CIT: variants seen among roughly 807,000 people sequenced by gnomAD.
The protein encoded by CIT is citron rho-interacting serine/threonine kinase, also known as citron Rho-interacting kinase.
CIT carries 79 observed loss-of-function variants against 272.7 expected under a neutral mutation model. The observed-to-expected ratio is 0.29, with a 90% CI of 0.24 to 0.35. CIT has a LOEUF of 0.35. Ranked by LOEUF, CIT falls within the 10% of genes least tolerant of loss-of-function variation. CIT has a pLI of 1.00. For missense variants in CIT, 1,909 were observed against 2,618.3 expected (o/e 0.73, Z 5.91); for synonymous variants, 948 against 995.6 (o/e 0.95, Z 0.90).
chr12:119,731,813 A>AATATATATATATATATAT (rs57327382), intron 26 of CIT, among the ~76,000 whole-genome samples: 38 of 139,108 alleles, frequency 2.7e-4, no homozygotes, highest in African/African-American at 7.8e-4. Context: ...TTCTCTCCTA[A>AATATATATATATATATAT]ATATATATAT....
At chr12:119,735,464 G>A (rs901068274) in intron 24 of CIT, 107 bp from the exon 25 acceptor site, 12 of 1,103,190 alleles carry the variant, frequency 1.1e-5, no homozygotes, top group African/African-American at 1.1e-4. Flanking sequence ...GGCAATCAAC[G>A]TGCCGCTCAT....
chr12:119,800,015 G>C (rs1268965580), intron 10 of CIT, among the ~76,000 whole-genome samples: 2 of 152,094 alleles, frequency 1.3e-5, no homozygotes, highest in African/African-American at 4.8e-5. Context: ...AAATGAGGCA[G>C]TGCCTCAATC....
At chr12:119,723,166 A>C (rs572959366) in intron 28 of CIT, among the ~76,000 whole-genome samples, 1 of 152,288 alleles carries the variant, frequency 6.6e-6, no homozygotes, top group East Asian at 1.9e-4. Flanking sequence ...AAAGGAAAGA[A>C]ACAGCTAAGA....
chr12:119,844,934 C>A (rs964378126), intron 5 of CIT, among the ~76,000 whole-genome samples: 1 of 151,944 alleles, frequency 6.6e-6, no homozygotes, highest in Non-Finnish European at 1.5e-5. Context: ...TCCTGGCTAA[C>A]ACGGTGAAAC....
chr12:119,817,735 T>C (rs762615132), intron 9 of CIT, among the ~76,000 whole-genome samples: 6 of 152,104 alleles, frequency 3.9e-5, no homozygotes, highest in South Asian at 2.1e-4. Flanking sequence ...GCACTTAACA[T>C]ACTGTAGAAA....
intron 23 of CIT, among the ~76,000 whole-genome samples, chr12:119,746,953 T>C (rs1211539449): frequency 1.3e-5 from 2 of 152,198 alleles, no homozygotes; most frequent in Non-Finnish European, 2.9e-5. Flanking sequence ...ATAGAATATA[T>C]ACATAAAGAC....
intron 32 of CIT, among the ~76,000 whole-genome samples, chr12:119,715,239 T>C (rs1425121173): frequency 1.3e-5 from 2 of 152,204 alleles, no homozygotes; most frequent in African/African-American, 4.8e-5. Context: ...TTTTTCTTTA[T>C]AAATTACCCA....
chr12:119,832,670 A>C, intron 7 of CIT, 101 bp downstream of exon 7: 1 of 988,110 alleles, frequency 1.0e-6, no homozygotes. Flanking sequence ...AAAGGCTCCA[A>C]AACATTGTTC....
chr12:119,723,663 A>G (rs1439393741), intron 28 of CIT, among the ~76,000 whole-genome samples: 1 of 152,226 alleles, frequency 6.6e-6, no homozygotes, highest in East Asian at 1.9e-4. Context: ...GGCTGGAAGA[A>G]TGGATCAAGA....
intron 17 of CIT, 36 bp downstream of exon 17, chr12:119,772,734 G>C (rs756785648): frequency 6.3e-7 from 1 of 1,576,908 alleles, no homozygotes; most frequent in Non-Finnish European, 8.6e-7. Context: ...CAAAGGCCGA[G>C]GCCGCTGGGG....
chr12:119,747,472 G>C (rs1959598679), intron 23 of CIT, among the ~76,000 whole-genome samples: 1 of 150,002 alleles, frequency 6.7e-6, no homozygotes, highest in African/African-American at 2.5e-5. Flanking sequence ...TGTAATCCCA[G>C]CACTTTGGGA....
chr12:119,770,897 G>A lies in CIT; in HGVS notation c.2096C>T (p.Ser699Phe), dbSNP rs755801732. 27 of 1,612,638 alleles carry A rather than the reference G, an allele frequency of 1.7e-5. No individual in the cohort carries two copies. Among genetic ancestry groups the A allele is most frequent in the African/African-American group, 4.0e-5 (3 of 74,904 alleles). ...KLVEAEERRH[S>F]LENKVKRLET... ...TAGTCTCTTTACCTTGTTCTCCAGAGAATGGCGGCGTTCCTGTAGATCATG... is the reference window on the plus strand; with the variant it reads ...TAGTCTCTTTACCTTGTTCTCCAGAAAATGGCGGCGTTCCTGTAGATCATG... The change falls in exon 18 of 48, where the codon TCT becomes TTT. Residue 699 changes from serine to phenylalanine, a missense_variant. This residue lies in a region of CIT where 530 missense variants were observed against 822.4 expected (regional missense o/e 0.64). Transcript: ENST00000392521. The surrounding 1 kb of genome is among the most constrained non-coding windows in gnomAD (Gnocchi z 4.4).
At position 119,710,612 on chromosome 12, in the gene CIT, A is replaced by G. The variant is rs762291636; in HGVS notation, c.4863T>C (p.Leu1621=). ...REKAEADAKL[L]GNSLLKLEGD... ...CTTCCAGTTTCAGCAGGGAGTTTCC[A>G]AGCAGTTTCTTTTCATAGGTGAAAG... is the stretch of plus-strand genomic sequence containing the variant. The change falls in exon 38 of 48, where the codon CTT becomes CTC. Residue 1621 remains leucine, a synonymous_variant. Coordinates refer to ENST00000392521, the MANE Select transcript of CIT (RefSeq NM_001206999.2). This position sits in a 1 kb window ranked among gnomAD's most constrained non-coding sequence, Gnocchi z 5.6. The G allele has an allele frequency of 8.1e-6, 13 of 1,614,154 alleles. No homozygotes were observed. The highest frequency in any genetic ancestry group is 1.1e-5 in the Non-Finnish European group (13 of 1,179,980).
At chr12:119,803,483 C>CGCTG in intron 9 of CIT, 94 bp from the exon 10 acceptor site, 1 of 915,310 alleles carries the variant, frequency 1.1e-6, no homozygotes, top group Non-Finnish European at 1.6e-6. Flanking sequence ...ACTCCTTCGG[C>CGCTG]GCTGGCGATG....
At chr12:119,711,005 G>C (rs748289850) in intron 37 of CIT, 1 of 1,364,638 alleles carries the variant, frequency 7.3e-7, no homozygotes, top group Admixed American at 1.9e-5. Context: ...AAGTGCAAAG[G>C]CGCCGTGTTA....
At chr12:119,732,049 T>A (rs914301696) in intron 26 of CIT, among the ~76,000 whole-genome samples, 3 of 152,022 alleles carry the variant, frequency 2.0e-5, no homozygotes, top group Non-Finnish European at 2.9e-5. Flanking sequence ...TTGGCCAGGC[T>A]GGTCTCAAAC....
intron 24 of CIT, among the ~76,000 whole-genome samples, chr12:119,740,516 C>A (rs1290085622): frequency 2.0e-5 from 3 of 151,470 alleles, no homozygotes; most frequent in Non-Finnish European, 4.4e-5. Context: ...TATAGTACAC[C>A]AATTATACCT....
intron 23 of CIT, among the ~76,000 whole-genome samples, chr12:119,743,727 T>C (rs572870718): frequency 6.6e-6 from 1 of 152,324 alleles, no homozygotes; most frequent in South Asian, 2.1e-4. Flanking sequence ...CATGTTTATG[T>C]CTGTATATGA....
chr12:119,826,582 C>T (rs1968180114), intron 7 of CIT, among the ~76,000 whole-genome samples: 2 of 152,248 alleles, frequency 1.3e-5, no homozygotes, highest in Non-Finnish European at 2.9e-5. Flanking sequence ...TTTACTGAGC[C>T]ATGAAATTTG....
Sources: allele counts gnomAD v4.1 joint callset (sites outside exome capture counted in the v4.1 genomes callset), GRCh38; gene constraint gnomAD v4.1.1; regional missense constraint gnomAD v4.1.1; non-coding constraint Gnocchi (gnomAD v3.1); transcripts MANE v1.5; gene names NCBI Gene and HGNC (gene_info 2026-07-23, HGNC 2026-07-21).